Variants in NOL4 observed in about 807,000 individuals in gnomAD.
The protein encoded by NOL4 is cancer/testis antigen 125.
In NOL4, 17 loss-of-function variants were observed where a neutral mutation model predicts 75.9. The observed-to-expected ratio is 0.22, with a 90% CI of 0.15 to 0.34. The LOEUF (loss-of-function observed/expected upper bound fraction) is 0.34, where lower values mean the gene tolerates loss of function less well. NOL4 is among the 10% of genes least tolerant of loss of function. The pLI is 1.00. For synonymous variants in NOL4, 292 were observed against 289.9 expected (o/e 1.01, Z -0.07); for missense variants, 614 against 793.5 (o/e 0.77, Z 2.72).
At chr18:33,996,877 A>G (rs1354081752) in intron 6 of NOL4, among the ~76,000 whole-genome samples, 1 of 149,964 alleles carries the variant, frequency 6.7e-6, no homozygotes, top group East Asian at 1.9e-4. Flanking sequence ...ACATACAGGT[A>G]CATATGTCTT....
intron 5 of NOL4, 141 bp downstream of exon 5, chr18:34,093,324 A>C: frequency 1.2e-6 from 1 of 809,352 alleles, no homozygotes; most frequent in Non-Finnish European, 1.9e-6. Context: ...ATATAACCTA[A>C]ATACATAGAG....
intron 5 of NOL4, among the ~76,000 whole-genome samples, chr18:34,082,542 A>G (rs4413039): frequency 0.85 from 128,874 of 152,128 alleles, 54,718 homozygotes; most frequent in East Asian, 0.96. Flanking sequence ...GGTTGAATTG[A>G]ATGAGAGTTT....
At chr18:33,961,013 A>G (rs1356139481) in intron 6 of NOL4, among the ~76,000 whole-genome samples, 1 of 152,100 alleles carries the variant, frequency 6.6e-6, no homozygotes, top group Non-Finnish European at 1.5e-5. Context: ...AATGTTTTGT[A>G]TTAATGAAGC....
rs139015937 is a variant in NOL4, at chr18:34,010,832, G to C, written c.1056+8486C>G. Among the ~76,000 whole-genome samples the C allele has an allele frequency of 2.6e-5, 4 of 151,870 alleles. No homozygotes were observed. The East Asian group carries it at 7.8e-4, about 29-fold the overall frequency. On this transcript the variant is annotated intron_variant, in intron 6 of 10. Transcript: ENST00000261592. ...AGGTTGAGCATTTTTTCATATACCT[G>C]TTAGCCATTTGTATGTCTTCATTTG...
intron 4 of NOL4, among the ~76,000 whole-genome samples, chr18:34,103,291 C>A (rs1218117133): frequency 6.6e-6 from 1 of 151,964 alleles, no homozygotes; most frequent in African/African-American, 2.4e-5. Flanking sequence ...GTACTAAGCA[C>A]CTATTGTATA....
chr18:34,095,991 T>G (rs1397805235), intron 4 of NOL4, among the ~76,000 whole-genome samples: 1 of 152,048 alleles, frequency 6.6e-6, no homozygotes, highest in Admixed American at 6.6e-5. Flanking sequence ...TGTATTTATG[T>G]TTAAAGAAGA....
chr18:34,184,432 ATAAC>A (rs749160378), intron 1 of NOL4, among the ~76,000 whole-genome samples: 25 of 152,210 alleles, frequency 1.6e-4, no homozygotes, highest in Non-Finnish European at 3.2e-4. Flanking sequence ...TTTAGAAGGG[ATAAC>A]TAATAAGTTG....
chr18:33,932,696 TA>T (rs1306036414), intron 9 of NOL4, among the ~76,000 whole-genome samples: 1 of 152,114 alleles, frequency 6.6e-6, no homozygotes, highest in African/African-American at 2.4e-5. Flanking sequence ...AGAAGAGTAT[TA>T]AAAATGAAAA....
At chr18:34,189,125 G>C (rs183033603) in intron 1 of NOL4, among the ~76,000 whole-genome samples, 2 of 152,314 alleles carry the variant, frequency 1.3e-5, no homozygotes, top group East Asian at 3.9e-4. Context: ...GAAAGTCCAA[G>C]ATCAGGTGGC....
intron 5 of NOL4, among the ~76,000 whole-genome samples, chr18:34,042,879 C>T (rs1316065828): frequency 6.6e-6 from 1 of 152,058 alleles, no homozygotes; most frequent in Non-Finnish European, 1.5e-5. Context: ...GGTCGAATCA[C>T]ATTGAGGTTA....
chr18:33,910,754 C>A (rs2066347874), intron 9 of NOL4, among the ~76,000 whole-genome samples: 1 of 152,106 alleles, frequency 6.6e-6, no homozygotes, highest in Non-Finnish European at 1.5e-5. Context: ...TATTAAAACT[C>A]ATTTTGGGGG....
chr18:34,111,020 C>T (rs923494441), intron 2 of NOL4, among the ~76,000 whole-genome samples: 3 of 151,982 alleles, frequency 2.0e-5, no homozygotes, highest in Admixed American at 6.5e-5. Flanking sequence ...AAAGAATAAT[C>T]TCTGACAAAT....
chr18:34,143,886 A>AAAAAAAC (rs373735870), intron 1 of NOL4, among the ~76,000 whole-genome samples: 1 of 145,432 alleles, frequency 6.9e-6, no homozygotes. Flanking sequence ...AAAAAAAAAA[A>AAAAAAAC]CCTGAAACTT....
chr18:34,108,620 T>C (rs1326760708), intron 2 of NOL4, among the ~76,000 whole-genome samples: 1 of 152,112 alleles, frequency 6.6e-6, no homozygotes, highest in Non-Finnish European at 1.5e-5. Context: ...TAAATAATGA[T>C]AAAGTCAATT....
chr18:34,051,806 C>A (rs4799740), intron 5 of NOL4, among the ~76,000 whole-genome samples: 123,943 of 151,950 alleles, frequency 0.82, 50,651 homozygotes, highest in East Asian at 0.97. Context: ...GTGTGTTTTC[C>A]GGCAGGGGAA....
intron 5 of NOL4, among the ~76,000 whole-genome samples, chr18:34,077,298 A>ACT (rs201414246): frequency 0.016 from 2,407 of 152,142 alleles, 66 homozygotes; most frequent in African/African-American, 0.055. Flanking sequence ...ACAGAGTGAG[A>ACT]CTGTCTCAAA....
At chr18:34,171,535 C>A (rs936964461) in intron 1 of NOL4, among the ~76,000 whole-genome samples, 10 of 152,080 alleles carry the variant, frequency 6.6e-5, no homozygotes, top group Non-Finnish European at 1.5e-5. Context: ...TCACTTTGTA[C>A]CCTCCTTCAA....
intron 1 of NOL4, chr18:34,222,294 A>G: frequency 7.6e-7 from 1 of 1,323,904 alleles, no homozygotes. Context: ...TTTGTTGTTC[A>G]TCTTCTAGCT....
At chr18:33,985,724 C>T (rs1220827352) in intron 6 of NOL4, among the ~76,000 whole-genome samples, 5 of 152,114 alleles carry the variant, frequency 3.3e-5, no homozygotes, top group Non-Finnish European at 5.9e-5. Context: ...AAATGCTGTA[C>T]ATTCAGCAGA....
Sources: gnomAD v4.1 joint callset for allele counts (sites outside exome capture counted in the v4.1 genomes callset) on GRCh38, gnomAD v4.1.1 for gene constraint, MANE v1.5 for transcripts, NCBI Gene and HGNC (gene_info 2026-07-23, HGNC 2026-07-21) for gene names.